Variants in PIK3CB observed in about 807,000 individuals in gnomAD.
PIK3CB encodes the protein phosphatidylinositol-4,5-bisphosphate 3-kinase catalytic subunit beta.
PIK3CB carries 39 observed loss-of-function variants against 136.8 expected under a neutral mutation model. That is an observed-to-expected ratio of 0.29 (90% CI 0.22 to 0.37). The LOEUF is 0.37. PIK3CB is among the 10% of genes least tolerant of loss of function. The pLI is 1.00. For synonymous variants in PIK3CB, 428 were observed against 436.6 expected (o/e 0.98, Z 0.25); for missense variants, 868 against 1,275.4 (o/e 0.68, Z 4.87).
chr3:138,830,713 C>A (rs1393315645), intron 1 of PIK3CB, among the ~76,000 whole-genome samples: 1 of 150,176 alleles, frequency 6.7e-6, no homozygotes, highest in Non-Finnish European at 1.5e-5. Context: ...TCCTGGTGAA[C>A]ACGGTGAAAC....
chr3:138,746,099 A>G (rs962295251), intron 4 of PIK3CB, among the ~76,000 whole-genome samples: 1 of 152,106 alleles, frequency 6.6e-6, no homozygotes, highest in African/African-American at 2.4e-5. Context: ...ATTAAAAATT[A>G]GCTGGGCATG....
intron 9 of PIK3CB, among the ~76,000 whole-genome samples, chr3:138,712,769 G>A (rs972909647): frequency 7.9e-5 from 12 of 152,036 alleles, no homozygotes; most frequent in African/African-American, 2.9e-4. Context: ...GTTTTGCCGT[G>A]TAGGACAGGC....
At chr3:138,701,881 C>A (rs943274286) in intron 12 of PIK3CB, among the ~76,000 whole-genome samples, 1 of 150,066 alleles carries the variant, frequency 6.7e-6, no homozygotes, top group African/African-American at 2.4e-5. Flanking sequence ...TAGACCTATT[C>A]ATACTCACAT....
In PIK3CB at chr3:138,736,072, T is replaced by C. The variant is rs576145833; in HGVS notation, c.802-1268A>G. Among the ~76,000 whole-genome samples the C allele has an allele frequency of 2.8e-4, 42 of 152,284 alleles. 1 individual carries two copies. The highest frequency in any genetic ancestry group is 3.4e-3 in the Middle Eastern group (1 of 294). On this transcript the variant is annotated intron_variant, in intron 6 of 23. Coordinates refer to ENST00000674063, the MANE Select transcript of PIK3CB (RefSeq NM_006219.3). ...GAGGATAATGCTGGTAAAATATACATTCTCCTTTACACCTCTTAAGGTAAA... is the reference window on the plus strand; with the variant it reads ...GAGGATAATGCTGGTAAAATATACACTCTCCTTTACACCTCTTAAGGTAAA...
chr3:138,712,211 G>C lies in PIK3CB; in HGVS notation c.1396C>G (p.Pro466Ala). ...DIILHSWSSF[P>A]DELEEMLNPM... ...AGGATAAGAATGTAAATCTTACCAG[G>C]AAATGAAGACCAGCTGTGTAATATT... Residue 466 changes from proline to alanine, a missense_variant, in exon 10 of 24, where the codon CCT becomes GCT. Coordinates refer to ENST00000674063, the MANE Select transcript of PIK3CB (RefSeq NM_006219.3). 2 of 1,508,916 alleles carry C rather than the reference G, an allele frequency of 1.3e-6. No individual in the cohort carries two copies. Among genetic ancestry groups the C allele is most frequent in the Non-Finnish European group, 1.8e-6 (2 of 1,095,730 alleles). 93.5% of individuals were successfully genotyped at this position (1,508,916 alleles called of 1,614,324 possible). A position where few individuals can be genotyped will look rare whatever the true frequency, so the allele number is the denominator to read the frequency against.
intron 8 of PIK3CB, among the ~76,000 whole-genome samples, chr3:138,722,160 A>G (rs1420217322): frequency 6.8e-6 from 1 of 146,296 alleles, no homozygotes; most frequent in Non-Finnish European, 1.5e-5. Flanking sequence ...TTTCCTGTCA[A>G]TTAACTATCC....
chr3:138,813,826 G>A (rs1933184061), intron 1 of PIK3CB, among the ~76,000 whole-genome samples: 1 of 152,120 alleles, frequency 6.6e-6, no homozygotes, highest in Admixed American at 6.6e-5. Flanking sequence ...ATCCTCAGGT[G>A]GGGTAAACAA....
At chr3:138,681,123 T>C (rs2108476823) in intron 19 of PIK3CB, among the ~76,000 whole-genome samples, 1 of 148,834 alleles carries the variant, frequency 6.7e-6, no homozygotes, top group East Asian at 2.1e-4. Flanking sequence ...CTCTGTTCCC[T>C]GCAACCTCCA....
intron 2 of PIK3CB, among the ~76,000 whole-genome samples, chr3:138,779,140 C>G (rs569309107): frequency 3.1e-4 from 45 of 147,516 alleles, no homozygotes; most frequent in African/African-American, 1.1e-3. Flanking sequence ...GGCTGAAGTA[C>G]AGTGGCATGA....
intron 8 of PIK3CB, among the ~76,000 whole-genome samples, chr3:138,721,793 A>C (rs2044731652): frequency 6.6e-6 from 1 of 152,192 alleles, no homozygotes; most frequent in African/African-American, 2.4e-5. Context: ...CTAGTGAAAG[A>C]CATTATAAGA....
At chr3:138,790,207 T>C (rs1559879811) in intron 2 of PIK3CB, among the ~76,000 whole-genome samples, 1 of 152,114 alleles carries the variant, frequency 6.6e-6, no homozygotes, top group Non-Finnish European at 1.5e-5. Context: ...GAGAAGTTAT[T>C]ATTTAATAGG....
intron 14 of PIK3CB, among the ~76,000 whole-genome samples, chr3:138,692,821 A>C (rs2044037415): frequency 1.3e-5 from 2 of 152,234 alleles, no homozygotes; most frequent in South Asian, 4.1e-4. Context: ...AAAATGGATA[A>C]ACTTCATTGT....
intron 1 of PIK3CB, among the ~76,000 whole-genome samples, chr3:138,804,127 A>C (rs1187475613): frequency 6.6e-6 from 1 of 151,942 alleles, no homozygotes; most frequent in Admixed American, 6.6e-5. Flanking sequence ...ACAACATAGC[A>C]AGAATCCATC....
At chr3:138,757,756 T>C (rs969522921) in intron 3 of PIK3CB, among the ~76,000 whole-genome samples, 1 of 148,900 alleles carries the variant, frequency 6.7e-6, no homozygotes. Context: ...GAGGAGAAAA[T>C]AGCATGTGTT....
At chr3:138,727,547 A>G (rs2044866740) in intron 8 of PIK3CB, among the ~76,000 whole-genome samples, 1 of 152,254 alleles carries the variant, frequency 6.6e-6, no homozygotes, top group African/African-American at 2.4e-5. Context: ...CTACAATCAC[A>G]TGGAACAGAA....
chr3:138,705,186 CAAACAAAAAAAAA>C (rs2044349096), intron 11 of PIK3CB, among the ~76,000 whole-genome samples: 1 of 55,078 alleles, frequency 1.8e-5, no homozygotes, highest in Non-Finnish European at 3.1e-5. Context: ...AAAAACAAAA[CAAACAAAAAAAAA>C]AACTTATATT....
At chr3:138,818,267 C>G (rs1047172594) in intron 1 of PIK3CB, among the ~76,000 whole-genome samples, 1 of 152,130 alleles carries the variant, frequency 6.6e-6, no homozygotes, top group African/African-American at 2.4e-5. Flanking sequence ...CATCTCCATC[C>G]TGGAATTCTC....
At chr3:138,727,887 C>T (rs951623718) in intron 8 of PIK3CB, among the ~76,000 whole-genome samples, 10 of 151,936 alleles carry the variant, frequency 6.6e-5, no homozygotes, top group African/African-American at 2.2e-4. Context: ...GATGGAGTTT[C>T]GCTCTTGCTG....
intron 11 of PIK3CB, 70 bp from the exon 12 acceptor site, chr3:138,704,563 C>T: frequency 3.1e-6 from 3 of 960,088 alleles, no homozygotes; most frequent in Non-Finnish European, 5.1e-6. Flanking sequence ...TAAATGACTA[C>T]ATTTGTACTT....
Sources: gnomAD v4.1 joint callset for allele counts (sites outside exome capture counted in the v4.1 genomes callset) on GRCh38, gnomAD v4.1.1 for gene constraint, MANE v1.5 for transcripts, NCBI Gene and HGNC (gene_info 2026-07-23, HGNC 2026-07-21) for gene names.